The following NRXN3 variants were observed in gnomAD, a reference collection of about 807,000 sequenced individuals.
NRXN3 encodes the protein neurexin 3, also known as neurexin III.
Under a neutral mutation model 137.6 loss-of-function variants are expected in NRXN3, and 32 were observed. That is an observed-to-expected ratio of 0.23 (90% CI 0.18 to 0.31). The LOEUF (loss-of-function observed/expected upper bound fraction) is 0.31, where lower values mean the gene tolerates loss of function less well. Ranked by LOEUF, NRXN3 falls within the 10% of genes least tolerant of loss-of-function variation. NRXN3 has a pLI of 1.00. For missense variants in NRXN3, 1,574 were observed against 2,062.5 expected (o/e 0.76, Z 4.59); for synonymous variants, 798 against 784.5 (o/e 1.02, Z -0.29).
At chr14:78,826,726 T>C (rs193037349) in intron 10 of NRXN3, among the ~76,000 whole-genome samples, 271 of 152,336 alleles carry the variant, frequency 1.8e-3, no homozygotes, top group Admixed American at 3.3e-3. Flanking sequence ...ATGCCTATTA[T>C]ACAAAATTTA....
intron 3 of NRXN3, among the ~76,000 whole-genome samples, chr14:78,289,384 C>G (rs2075547686): frequency 6.6e-6 from 1 of 152,148 alleles, no homozygotes; most frequent in South Asian, 2.1e-4. Flanking sequence ...AGTCACCTAT[C>G]AGCAGTTTAA....
chr14:78,886,400 TC>T (rs1217809559), intron 10 of NRXN3, among the ~76,000 whole-genome samples: 2 of 152,144 alleles, frequency 1.3e-5, no homozygotes, highest in Non-Finnish European at 2.9e-5. Context: ...GATACAGAGT[TC>T]ATGATATTCA....
chr14:79,385,720 G>A (rs1001122935), intron 15 of NRXN3, among the ~76,000 whole-genome samples: 1 of 152,098 alleles, frequency 6.6e-6, no homozygotes, highest in African/African-American at 2.4e-5. Context: ...TGCACATAGT[G>A]TACATGTACC....
chr14:79,394,428 C>T (rs2094952846), intron 15 of NRXN3, among the ~76,000 whole-genome samples: 1 of 152,194 alleles, frequency 6.6e-6, no homozygotes, highest in African/African-American at 2.4e-5. Flanking sequence ...ATTGAAAGAA[C>T]TTGCTCCAAA....
chr14:78,583,978 C>T (rs962366553), intron 4 of NRXN3, among the ~76,000 whole-genome samples: 1 of 152,132 alleles, frequency 6.6e-6, no homozygotes, highest in African/African-American at 2.4e-5. Flanking sequence ...CATGCATTTA[C>T]TTATCCAGTT....
intron 1 of NRXN3, among the ~76,000 whole-genome samples, chr14:78,197,202 C>A (rs2153385441): frequency 6.6e-6 from 1 of 152,350 alleles, no homozygotes; most frequent in South Asian, 2.1e-4. Flanking sequence ...AGCCCTCGCC[C>A]AACCAGACTC....
At chr14:79,807,090 G>A (rs2099210867) in intron 20 of NRXN3, among the ~76,000 whole-genome samples, 1 of 145,684 alleles carries the variant, frequency 6.9e-6, no homozygotes, top group Non-Finnish European at 1.5e-5. Flanking sequence ...TGGTCCTCCT[G>A]CCTGAGCTTC....
intron 4 of NRXN3, among the ~76,000 whole-genome samples, chr14:78,520,221 A>G (rs894499691): frequency 6.6e-6 from 1 of 152,166 alleles, no homozygotes; most frequent in Non-Finnish European, 1.5e-5. Context: ...TGAGCTTATT[A>G]TTCTTTCCTT....
intron 16 of NRXN3, among the ~76,000 whole-genome samples, chr14:79,506,861 G>T (rs1454848950): frequency 6.6e-6 from 1 of 152,162 alleles, no homozygotes; most frequent in East Asian, 1.9e-4. Context: ...GAGATCTCCT[G>T]AGAGGTGAAA....
At chr14:78,980,689 A>C (rs2099487161) in intron 14 of NRXN3, among the ~76,000 whole-genome samples, 1 of 152,170 alleles carries the variant, frequency 6.6e-6, no homozygotes, top group Non-Finnish European at 1.5e-5. Flanking sequence ...CAGCCATCAG[A>C]ATTATCTGAT....
At chr14:78,768,549 A>G (rs2098716434) in intron 8 of NRXN3, among the ~76,000 whole-genome samples, 1 of 152,196 alleles carries the variant, frequency 6.6e-6, no homozygotes, top group Admixed American at 6.5e-5. Context: ...AAGAAACAAG[A>G]AAAGTTTACT....
chr14:79,749,107 A>G (rs1461398880), intron 19 of NRXN3, among the ~76,000 whole-genome samples: 2 of 152,062 alleles, frequency 1.3e-5, no homozygotes, highest in Non-Finnish European at 2.9e-5. Context: ...AGTGTGCTTG[A>G]AAGTTCTCAC....
chr14:78,592,832 G>A (rs1194774280), intron 4 of NRXN3, among the ~76,000 whole-genome samples: 1 of 152,204 alleles, frequency 6.6e-6, no homozygotes, highest in Non-Finnish European at 1.5e-5. Flanking sequence ...TCTGAACGCA[G>A]AATCCCTCTG....
chr14:78,912,967 C>A (rs1238834777), intron 10 of NRXN3, among the ~76,000 whole-genome samples: 1 of 152,064 alleles, frequency 6.6e-6, no homozygotes, highest in African/African-American at 2.4e-5. Context: ...ATTCCTTCAA[C>A]AAATATTTAT....
chr14:79,504,639 T>TATATATA (rs60009832), intron 16 of NRXN3, among the ~76,000 whole-genome samples: 2,425 of 93,016 alleles, frequency 0.026, 148 homozygotes, highest in African/African-American at 0.031. Context: ...AAATGAAGTT[T>TATATATA]TTTATATATA....
At chr14:78,286,277 A>T (rs2075167989) in intron 3 of NRXN3, among the ~76,000 whole-genome samples, 1 of 152,170 alleles carries the variant, frequency 6.6e-6, no homozygotes. Flanking sequence ...AATGAATGTT[A>T]AATGTGCTGT....
At chr14:79,481,752 T>C (rs2096610722) in intron 16 of NRXN3, among the ~76,000 whole-genome samples, 1 of 152,166 alleles carries the variant, frequency 6.6e-6, no homozygotes, top group South Asian at 2.1e-4. Flanking sequence ...ATCACTCAAA[T>C]CAGTCTCCTT....
At chr14:79,498,863 C>A (rs1278411675) in intron 16 of NRXN3, among the ~76,000 whole-genome samples, 1 of 152,234 alleles carries the variant, frequency 6.6e-6, no homozygotes, top group African/African-American at 2.4e-5. Flanking sequence ...TAGCTCACTA[C>A]AGCCTCAAAC....
At chr14:79,028,926 C>A (rs1283042598) in intron 15 of NRXN3, among the ~76,000 whole-genome samples, 1 of 152,100 alleles carries the variant, frequency 6.6e-6, no homozygotes, top group East Asian at 1.9e-4. Flanking sequence ...GTGCAGAAAT[C>A]TTTACAGAGA....
Sources: allele counts gnomAD v4.1 joint callset (sites outside exome capture counted in the v4.1 genomes callset), GRCh38; gene constraint gnomAD v4.1.1; transcripts MANE v1.5; gene names NCBI Gene and HGNC (gene_info 2026-07-23, HGNC 2026-07-21).